Variants in DPP10 observed in about 807,000 individuals in gnomAD.
The protein encoded by DPP10 is inactive dipeptidyl peptidase 10.
DPP10 carries 33 observed loss-of-function variants against 120.9 expected under a neutral mutation model. The observed-to-expected ratio is 0.27, with a 90% CI of 0.21 to 0.37. DPP10 has a LOEUF of 0.37. Among genes scored for constraint, DPP10 ranks in the 10% least tolerant of loss-of-function variants. The pLI, the probability that DPP10 is intolerant of heterozygous loss-of-function variation, is 1.00. For synonymous variants in DPP10, 337 were observed against 326.1 expected, an observed-to-expected ratio of 1.03 and a Z score of -0.36; for missense variants, 816 against 942.8, an observed-to-expected ratio of 0.87 and a Z score of 1.76.
chr2:114,940,183 T>C (rs888211264), intron 1 of DPP10, among the ~76,000 whole-genome samples: 1 of 152,130 alleles, frequency 6.6e-6, no homozygotes, highest in African/African-American at 2.4e-5. Flanking sequence ...TAATCGAAGG[T>C]TAATGCACAA....
intron 1 of DPP10, among the ~76,000 whole-genome samples, chr2:114,885,955 T>C (rs1358822211): frequency 2.6e-5 from 4 of 152,214 alleles, no homozygotes; most frequent in African/African-American, 9.6e-5. Flanking sequence ...AGTTTTAAAA[T>C]ATAATGTGCG....
At chr2:115,816,606 T>G (rs2150042883) in intron 21 of DPP10, among the ~76,000 whole-genome samples, 1 of 133,238 alleles carries the variant, frequency 7.5e-6, no homozygotes, top group East Asian at 2.4e-4. Context: ...TTTTTATTTT[T>G]GTTTTTTGTT....
intron 1 of DPP10, among the ~76,000 whole-genome samples, chr2:114,464,925 A>G (rs1558781766): frequency 1.3e-5 from 2 of 152,190 alleles, no homozygotes; most frequent in South Asian, 4.1e-4. Flanking sequence ...AAGAGCTGCT[A>G]TATATGGCAT....
intron 3 of DPP10, among the ~76,000 whole-genome samples, chr2:115,464,551 G>A (rs1307128195): frequency 3.3e-5 from 5 of 152,020 alleles, no homozygotes; most frequent in Non-Finnish European, 7.4e-5. Context: ...AAACAAACAT[G>A]TGTGAATGCC....
In DPP10 at chr2:115,742,010, G is replaced by A. The variant is rs115551328; in HGVS notation, c.852+2117G>A. ...ATATTGCTTAATAGTAAAGATAGGC[G>A]TAACATAATAATCTTTGTTTATTAA... On this transcript the variant is annotated intron_variant, in intron 9 of 25. Coordinates refer to ENST00000410059, the MANE Select transcript of DPP10 (RefSeq NM_020868.6). 2.5e-3 allele frequency among the ~76,000 whole-genome samples: 382 copies of A among 152,238 alleles called. 1 individual carries two copies. The highest frequency in any genetic ancestry group is 3.5e-3 in the Non-Finnish European group (240 of 68,004).
At chr2:114,925,931 T>G (rs1695586263) in intron 1 of DPP10, among the ~76,000 whole-genome samples, 1 of 152,308 alleles carries the variant, frequency 6.6e-6, no homozygotes, top group South Asian at 2.1e-4. Context: ...GAGTGTCTAG[T>G]ACATACTAAG....
At chr2:114,646,893 T>A (rs1358230862) in intron 1 of DPP10, among the ~76,000 whole-genome samples, 1 of 152,162 alleles carries the variant, frequency 6.6e-6, no homozygotes, top group Non-Finnish European at 1.5e-5. Flanking sequence ...CTAAAAGATA[T>A]TTTAAACACT....
chr2:115,603,891 T>G (rs1025796134), intron 5 of DPP10, among the ~76,000 whole-genome samples: 4 of 152,100 alleles, frequency 2.6e-5, no homozygotes, highest in African/African-American at 9.7e-5. Flanking sequence ...TGCTGCAGAG[T>G]TATCTATGCA....
At chr2:114,562,176 C>T (rs1688817303) in intron 1 of DPP10, among the ~76,000 whole-genome samples, 1 of 152,192 alleles carries the variant, frequency 6.6e-6, no homozygotes, top group Non-Finnish European at 1.5e-5. Flanking sequence ...GTTTCAGATT[C>T]TAAGAAAATA....
chr2:114,846,246 CA>C (rs1344885175), intron 1 of DPP10, among the ~76,000 whole-genome samples: 1 of 152,152 alleles, frequency 6.6e-6, no homozygotes. Flanking sequence ...AATGCTGTCT[CA>C]CCCCAATGAC....
At chr2:115,780,555 A>T (rs1682629113) in intron 15 of DPP10, among the ~76,000 whole-genome samples, 1 of 151,864 alleles carries the variant, frequency 6.6e-6, no homozygotes, top group African/African-American at 2.4e-5. Context: ...AATATCTATT[A>T]AAAATGCAAA....
rs149812587 is a variant in DPP10 at position 115,430,125 on chromosome 2, A to T, written c.272-69385A>T. The stretch of plus-strand genomic sequence containing the variant: ...ACTAGGAACTGTAGTTTGAAGTTAG[A>T]TGGAGTGGATTTGGAACCGATTTAA... On this transcript the variant is annotated intron_variant, in intron 3 of 25. Coordinates refer to ENST00000410059, the MANE Select transcript of DPP10 (RefSeq NM_020868.6). Among the ~76,000 whole-genome samples, 632 of 152,316 alleles carry T rather than the reference A, an allele frequency of 4.1e-3. 5 individuals are homozygous for T. The highest frequency in any genetic ancestry group is 0.014 in the African/African-American group (599 of 41,572).
intron 19 of DPP10, among the ~76,000 whole-genome samples, chr2:115,807,010 A>T (rs969008223): frequency 1.3e-5 from 2 of 152,176 alleles, no homozygotes; most frequent in Non-Finnish European, 2.9e-5. Context: ...TCTTTTAACC[A>T]TGAATAATTT....
At chr2:114,504,406 G>T (rs1186862596) in intron 1 of DPP10, among the ~76,000 whole-genome samples, 1 of 152,006 alleles carries the variant, frequency 6.6e-6, no homozygotes, top group African/African-American at 2.4e-5. Context: ...TGCTCCACTT[G>T]ATCTCATGTT....
chr2:115,125,647 C>A (rs550362608), intron 1 of DPP10, among the ~76,000 whole-genome samples: 1 of 143,698 alleles, frequency 7.0e-6, no homozygotes, highest in Non-Finnish European at 1.5e-5. Context: ...TCTTGGCTTA[C>A]GGCAAGCGCC....
intron 3 of DPP10, among the ~76,000 whole-genome samples, chr2:115,373,669 G>A (rs993919723): frequency 1.3e-5 from 2 of 151,986 alleles, no homozygotes; most frequent in South Asian, 2.1e-4. Context: ...ATAAAGTTCT[G>A]ATGGATTTAT....
At chr2:115,813,532 G>A (rs1686889564) in intron 19 of DPP10, among the ~76,000 whole-genome samples, 1 of 152,144 alleles carries the variant, frequency 6.6e-6, no homozygotes, top group African/African-American at 2.4e-5. Flanking sequence ...TCCAAATATA[G>A]TCACAATCTA....
chr2:114,487,289 G>A (rs1208451688), intron 1 of DPP10, among the ~76,000 whole-genome samples: 2 of 152,078 alleles, frequency 1.3e-5, no homozygotes, highest in Admixed American at 6.6e-5. Context: ...TAATAAGTTT[G>A]GAAGAAAAAG....
intron 10 of DPP10, among the ~76,000 whole-genome samples, chr2:115,752,792 G>A (rs1381124190): frequency 2.6e-5 from 4 of 152,054 alleles, no homozygotes; most frequent in African/African-American, 7.2e-5. Context: ...CTTTATAAAT[G>A]TATACTTGTT....
Sources: gnomAD v4.1 joint callset for allele counts (sites outside exome capture counted in the v4.1 genomes callset) on GRCh38, gnomAD v4.1.1 for gene constraint, MANE v1.5 for transcripts, NCBI Gene and HGNC (gene_info 2026-07-23, HGNC 2026-07-21) for gene names.